Variants in MACROD2 observed in about 807,000 individuals in gnomAD.
MACROD2 encodes ADP-ribose glycohydrolase MACROD2.
In MACROD2, 36 loss-of-function variants were observed where a neutral mutation model predicts 70.4. That is an observed-to-expected ratio of 0.51 (90% CI 0.39 to 0.68). The LOEUF (loss-of-function observed/expected upper bound fraction) is 0.68, where lower values mean the gene tolerates loss of function less well. MACROD2 is among the 30% of genes least tolerant of loss of function. The pLI is 0.00. For synonymous variants in MACROD2, 172 were observed against 178.8 expected (o/e 0.96, Z 0.30); for missense variants, 496 against 538.4 (o/e 0.92, Z 0.78).
chr20:15,876,268 T>C (rs116468448), intron 9 of MACROD2, among the ~76,000 whole-genome samples: 2,703 of 151,698 alleles, frequency 0.018, 94 homozygotes, highest in African/African-American at 0.062. Flanking sequence ...TCCCCCTGCC[T>C]CCCACCCAAT....
chr20:15,578,885 A>G (rs1001724960), intron 8 of MACROD2, among the ~76,000 whole-genome samples: 1 of 152,212 alleles, frequency 6.6e-6, no homozygotes, highest in East Asian at 1.9e-4. Flanking sequence ...GGCACCTGGC[A>G]TATAGTAACA....
chr20:14,533,704 T>A (rs1295880402), intron 4 of MACROD2, among the ~76,000 whole-genome samples: 1 of 152,210 alleles, frequency 6.6e-6, no homozygotes, highest in Non-Finnish European at 1.5e-5. Context: ...TAGTTTTAAA[T>A]TCTCATATAC....
chr20:15,749,858 A>G (rs2051241517), intron 8 of MACROD2, among the ~76,000 whole-genome samples: 1 of 152,058 alleles, frequency 6.6e-6, no homozygotes, highest in Non-Finnish European at 1.5e-5. Context: ...ATCAGCTCAA[A>G]TGATTAAAGG....
At chr20:15,491,023 T>A (rs1023450157) in intron 7 of MACROD2, among the ~76,000 whole-genome samples, 2 of 152,232 alleles carry the variant, frequency 1.3e-5, no homozygotes, top group African/African-American at 4.8e-5. Context: ...CATTGTATTC[T>A]TATGAAAATT....
At chr20:15,764,224 G>A (rs1223320267) in intron 8 of MACROD2, among the ~76,000 whole-genome samples, 3 of 152,246 alleles carry the variant, frequency 2.0e-5, no homozygotes, top group Middle Eastern at 3.4e-3. Context: ...CTATTTTGAA[G>A]TTCTTCTATG....
chr20:14,404,534 T>C (rs1034209912), intron 3 of MACROD2, among the ~76,000 whole-genome samples: 1 of 151,568 alleles, frequency 6.6e-6, no homozygotes, highest in Admixed American at 6.6e-5. Flanking sequence ...GAGGCGGAGG[T>C]TGCAGTGAAC....
intron 4 of MACROD2, among the ~76,000 whole-genome samples, chr20:14,545,783 G>C (rs1024881731): frequency 6.6e-6 from 1 of 152,028 alleles, no homozygotes; most frequent in South Asian, 2.1e-4. Context: ...TATATGTCAG[G>C]TAACTATTAT....
chr20:14,936,815 A>T (rs1457141296), intron 5 of MACROD2, among the ~76,000 whole-genome samples: 1 of 152,204 alleles, frequency 6.6e-6, no homozygotes, highest in East Asian at 1.9e-4. Context: ...AGGCAATGAA[A>T]AAGCATGTAT....
intron 3 of MACROD2, among the ~76,000 whole-genome samples, chr20:14,278,882 G>C (rs1487973954): frequency 6.6e-6 from 1 of 152,036 alleles, no homozygotes; most frequent in African/African-American, 2.4e-5. Context: ...TTAAGTAAGA[G>C]TTACATATTG....
At chr20:14,742,650 C>G (rs1443300974) in intron 5 of MACROD2, among the ~76,000 whole-genome samples, 1 of 151,196 alleles carries the variant, frequency 6.6e-6, no homozygotes, top group African/African-American at 2.4e-5. Flanking sequence ...CTTTCCTATG[C>G]TAAGGTTCCT....
At chr20:15,516,534 C>T (rs59457560) in intron 8 of MACROD2, among the ~76,000 whole-genome samples, 3 of 152,104 alleles carry the variant, frequency 2.0e-5, no homozygotes, top group South Asian at 2.1e-4. Flanking sequence ...ATAAAGGGTG[C>T]CCAGGGCAGT....
Position 16,052,270 on chromosome 20 carries a change from A to G in MACROD2, c.*2394A>G, listed in dbSNP as rs946457652. The stretch of plus-strand genomic sequence containing the variant: ...TCAATAGTGAAATATTAACAATCTA[A>G]CTATAGCCAGATCAAAGACACCTGA... On this transcript the variant is annotated 3_prime_UTR_variant, in exon 18 of 18. Coordinates refer to ENST00000684519, the MANE Select transcript of MACROD2 (RefSeq NM_001351661.2). 3.3e-5 allele frequency: 5 copies of G among 152,204 alleles called. No individual in the cohort carries two copies. The highest frequency in any genetic ancestry group is 1.2e-4 in the African/African-American group (5 of 41,450). 9.4% of individuals were successfully genotyped at this position (152,204 alleles called of 1,614,324 possible). A position where few individuals can be genotyped will look rare whatever the true frequency, so the allele number is the denominator to read the frequency against.
intron 8 of MACROD2, among the ~76,000 whole-genome samples, chr20:15,542,650 C>T (rs1233729): frequency 0.47 from 71,955 of 151,996 alleles, 19,862 homozygotes; most frequent in African/African-American, 0.77. Flanking sequence ...CTTGACTGAT[C>T]TTTGACTTCT....
chr20:14,201,344 T>C (rs1480626180), intron 3 of MACROD2, among the ~76,000 whole-genome samples: 1 of 152,208 alleles, frequency 6.6e-6, no homozygotes, highest in Non-Finnish European at 1.5e-5. Context: ...AAATTGAGAA[T>C]TGAATTATTG....
chr20:14,421,072 T>C (rs2083871693), intron 3 of MACROD2, among the ~76,000 whole-genome samples: 1 of 152,226 alleles, frequency 6.6e-6, no homozygotes, highest in Non-Finnish European at 1.5e-5. Context: ...ACACGCTTGG[T>C]AATGGTGTAT....
intron 5 of MACROD2, among the ~76,000 whole-genome samples, chr20:14,918,346 A>G (rs1310635297): frequency 6.6e-6 from 1 of 152,146 alleles, no homozygotes; most frequent in African/African-American, 2.4e-5. Flanking sequence ...AAGAGGCAGA[A>G]GTTAATGATC....
intron 5 of MACROD2, among the ~76,000 whole-genome samples, chr20:14,989,970 T>C (rs1435370641): frequency 1.3e-5 from 2 of 152,288 alleles, no homozygotes; most frequent in East Asian, 3.9e-4. Context: ...GGGATCTTCA[T>C]GAGCTGTGGT....
intron 5 of MACROD2, among the ~76,000 whole-genome samples, chr20:15,127,258 A>T (rs1006497633): frequency 6.6e-6 from 1 of 152,122 alleles, no homozygotes; most frequent in South Asian, 2.1e-4. Flanking sequence ...TAAATGCTAG[A>T]AAGAAGACAG....
rs186831011 is a variant in MACROD2, at chr20:15,564,242, G to T, written c.645+64395G>T. ...CCTGACTTTCAGACAGTGCATCTAG[G>T]AACCTTCGCTCATTTTTGTCACTAT... is the stretch of plus-strand genomic sequence containing the variant. On this transcript the variant is annotated intron_variant, in intron 8 of 17. Transcript: ENST00000684519. Among the ~76,000 whole-genome samples, 131 of 152,194 alleles carry T rather than the reference G, an allele frequency of 8.6e-4. 1 individual carries two copies. The highest frequency in any genetic ancestry group is 2.7e-3 in the African/African-American group (113 of 41,522).
Sources: gnomAD v4.1 joint callset for allele counts (sites outside exome capture counted in the v4.1 genomes callset) on GRCh38, gnomAD v4.1.1 for gene constraint, MANE v1.5 for transcripts, NCBI Gene and HGNC (gene_info 2026-07-23, HGNC 2026-07-21) for gene names.